The following LCORL variants were observed in gnomAD, a reference collection of about 807,000 sequenced individuals.
The protein encoded by LCORL is ligand dependent nuclear receptor corepressor like.
A neutral mutation model predicts 141.8 loss-of-function variants in LCORL; 41 were observed. The ratio of observed to expected loss-of-function variants is 0.29; its 90% confidence interval spans 0.23 to 0.38. The LOEUF is 0.38. LCORL is among the 10% of genes least tolerant of loss of function. The pLI, the probability that LCORL is intolerant of heterozygous loss-of-function variation, is 1.00. For missense variants in LCORL, 1,759 were observed against 2,035.0 expected (o/e 0.86, Z 2.61); for synonymous variants, 618 against 694.1 (o/e 0.89, Z 1.72).
In LCORL at chr4:17,963,374, A is replaced by G. The variant is rs946117657; in HGVS notation, c.221-325T>C. Among the ~76,000 whole-genome samples, 12 of 151,966 alleles carry G rather than the reference A, an allele frequency of 7.9e-5. 1 individual carries two copies. The highest frequency in any genetic ancestry group is 1.3e-4 in the Non-Finnish European group (9 of 67,916). On this transcript the variant is annotated intron_variant, in intron 2 of 7. Transcript: ENST00000635767. ...ATTGTGCTTTAATTTTATTTTTGCT[A>G]TGAAAGGAATCAGAACAAAGGGGGA...
chr4:17,920,200 G>A (rs924169280), intron 4 of LCORL, among the ~76,000 whole-genome samples: 2 of 152,186 alleles, frequency 1.3e-5, no homozygotes, highest in South Asian at 2.1e-4. Context: ...CAGGTAGATA[G>A]TATCAGAATT....
chr4:17,882,657 A>C (rs1323269190), intron 6 of LCORL: 1 of 984,816 alleles, frequency 1.0e-6, no homozygotes, highest in African/African-American at 1.7e-5. Flanking sequence ...TCGCCCACCA[A>C]AATGAAATCT....
intron 1 of LCORL, among the ~76,000 whole-genome samples, chr4:17,989,998 T>C (rs1719673285): frequency 6.6e-6 from 1 of 152,016 alleles, no homozygotes; most frequent in Admixed American, 6.6e-5. Flanking sequence ...TATTACTTAA[T>C]ATGTAGCTCC....
At chr4:17,981,203 T>G (rs1227514326) in intron 1 of LCORL, among the ~76,000 whole-genome samples, 2 of 152,210 alleles carry the variant, frequency 1.3e-5, no homozygotes, top group Non-Finnish European at 2.9e-5. Flanking sequence ...ACTGGTAGTT[T>G]CTACTGAGTA....
At chr4:17,841,687 A>G (rs570284446) in exon 8 of LCORL, 1 of 152,078 alleles carries the variant, frequency 6.6e-6, no homozygotes, top group South Asian at 2.1e-4. Context: ...TTCCTTATAA[A>G]TGAGAAACAT....
chr4:17,845,735 T>A, exon 8 of LCORL: 3 of 1,606,820 alleles, frequency 1.9e-6, no homozygotes, highest in Non-Finnish European at 2.5e-6. Context: ...TTCTCTTCGC[T>A]TTTGAGATTT....
intron 4 of LCORL, among the ~76,000 whole-genome samples, chr4:17,949,960 C>T (rs1330820299): frequency 2.0e-5 from 3 of 152,136 alleles, no homozygotes; most frequent in East Asian, 3.9e-4. Context: ...GTTTAAACCA[C>T]TATGCACATT....
chr4:17,881,490 T>G (rs999471908), intron 6 of LCORL: 1 of 865,482 alleles, frequency 1.2e-6, no homozygotes, highest in Admixed American at 6.3e-5. Flanking sequence ...ATTTACTATT[T>G]CTGACCAAAA....
At chr4:17,969,078 T>C (rs1715460326) in intron 2 of LCORL, among the ~76,000 whole-genome samples, 1 of 152,184 alleles carries the variant, frequency 6.6e-6, no homozygotes, top group African/African-American at 2.4e-5. Flanking sequence ...TGAAAGAAAC[T>C]GGCCTACCAA....
At chr4:17,908,501 C>T (rs192909614) in intron 5 of LCORL, among the ~76,000 whole-genome samples, 47 of 152,290 alleles carry the variant, frequency 3.1e-4, no homozygotes, top group Non-Finnish European at 5.4e-4. Context: ...TTAAGTCCTT[C>T]GCACACACTT....
intron 5 of LCORL, among the ~76,000 whole-genome samples, chr4:17,900,481 C>T (rs1418529773): frequency 2.0e-5 from 3 of 152,190 alleles, no homozygotes; most frequent in Non-Finnish European, 4.4e-5. Context: ...CTCAAACTCA[C>T]TTCTTTATGG....
chr4:17,857,401 T>C (rs1560257178), intron 7 of LCORL, among the ~76,000 whole-genome samples: 1 of 152,102 alleles, frequency 6.6e-6, no homozygotes, highest in Non-Finnish European at 1.5e-5. Context: ...CAGGTAATAA[T>C]TTTCTGGAGG....
intron 4 of LCORL, among the ~76,000 whole-genome samples, chr4:17,954,234 G>C (rs1712103838): frequency 6.6e-6 from 1 of 152,098 alleles, no homozygotes; most frequent in African/African-American, 2.4e-5. Context: ...TATCAATAGG[G>C]TGGTGAGGGC....
chr4:17,936,238 A>T (rs2109446317), intron 4 of LCORL, among the ~76,000 whole-genome samples: 1 of 152,164 alleles, frequency 6.6e-6, no homozygotes, highest in Middle Eastern at 3.4e-3. Flanking sequence ...GCAGATAATT[A>T]TATGACTTCT....
chr4:17,854,801 T>C (rs1724164451), intron 7 of LCORL, among the ~76,000 whole-genome samples: 1 of 152,214 alleles, frequency 6.6e-6, no homozygotes, highest in Non-Finnish European at 1.5e-5. Flanking sequence ...TTTTCTCTAC[T>C]TGCTTGTGAT....
chr4:18,021,707 A>G lies in LCORL; in HGVS notation c.45T>C (p.Ala15=), dbSNP rs748344642. 1.8e-3 allele frequency: 2,693 copies of G among 1,521,598 alleles called. 5 individuals are homozygous for G. The highest frequency in any genetic ancestry group is 2.2e-3 in the Non-Finnish European group (2,513 of 1,132,848). The allele number at this position is 1,521,598 out of a possible 1,614,324, so 94.3% of individuals were successfully genotyped here. A position where few individuals can be genotyped will look rare whatever the true frequency, so the allele number is the denominator to read the frequency against. The change falls in exon 1 of 8, where the codon GCT becomes GCC. Residue 15 remains alanine, a synonymous_variant. Transcript: ENST00000635767. This position sits in a 1 kb window ranked among gnomAD's most constrained non-coding sequence, Gnocchi z 5.5. Reference sequence around the variant, plus strand: ...ACTGAGCGGCGGCGGCGGCGGCGGCAGCAGCGGCGGCGGCAGCGGCCATTC... The same window carrying G: ...ACTGAGCGGCGGCGGCGGCGGCGGCGGCAGCGGCGGCGGCAGCGGCCATTC...
intron 4 of LCORL, among the ~76,000 whole-genome samples, chr4:17,916,448 G>A (rs947714309): frequency 2.6e-5 from 4 of 152,020 alleles, no homozygotes; most frequent in South Asian, 2.1e-4. Context: ...CTCAGTCCAC[G>A]TGAGATCTGG....
intron 1 of LCORL, among the ~76,000 whole-genome samples, chr4:17,982,897 G>GGTTTTACATTTAA (rs1370619006): frequency 7.9e-5 from 12 of 152,072 alleles, no homozygotes; most frequent in African/African-American, 2.9e-4. Flanking sequence ...TATACTTTTG[G>GGTTTTACATTTAA]GTTTTACATT....
At chr4:17,948,229 A>G (rs1739189717) in intron 4 of LCORL, among the ~76,000 whole-genome samples, 1 of 152,008 alleles carries the variant, frequency 6.6e-6, no homozygotes, top group South Asian at 2.1e-4. Flanking sequence ...CAGTTACTCA[A>G]CAAGTATTTA....
Sources: gnomAD v4.1 joint callset for allele counts (sites outside exome capture counted in the v4.1 genomes callset) on GRCh38, gnomAD v4.1.1 for gene constraint, Gnocchi (gnomAD v3.1) non-coding constraint, MANE v1.5 for transcripts, NCBI Gene and HGNC (gene_info 2026-07-23, HGNC 2026-07-21) for gene names.